FDXR: variants seen among roughly 807,000 people sequenced by gnomAD.
The protein encoded by FDXR is ferredoxin reductase, also known as NADPH:adrenodoxin oxidoreductase, mitochondrial.
In FDXR, 38 loss-of-function variants were observed where a neutral mutation model predicts 58.3. The ratio of observed to expected loss-of-function variants is 0.65; its 90% CI spans 0.50 to 0.85. FDXR has a LOEUF of 0.85. Ranked by LOEUF, FDXR falls within the 40% of genes least tolerant of loss-of-function variation. FDXR has a pLI of 0.00. For synonymous variants in FDXR, 275 were observed against 273.8 expected, an observed-to-expected ratio of 1.00 and a Z score of -0.04; for missense variants, 624 against 671.0, an observed-to-expected ratio of 0.93 and a Z score of 0.77.
rs751251788 is a variant in FDXR at position 74,864,541 on chromosome 17, T to G, written c.741A>C (p.Leu247Phe). Reference sequence around the variant, plus strand: ...GATCCAAAATGGGCCGGGCTCCCGGTAACTGAATCATCTCCCGAAGCTCCT... The same window carrying G: ...GATCCAAAATGGGCCGGGCTCCCGGGAACTGAATCATCTCCCGAAGCTCCT... ...TIKELREMIQ[L>F]PGARPILDPV... Residue 247 changes from leucine (L) to phenylalanine (F), a missense_variant, in exon 8 of 12, where the codon TTA (leucine) becomes TTC (phenylalanine). By Grantham distance (22) the Leu-to-Phe change is conservative (BLOSUM62 0). Transcript: ENST00000293195. The G allele has an allele frequency of 1.2e-5, 19 of 1,613,864 alleles. No homozygotes were observed. Among genetic ancestry groups the G allele is most frequent in the African/African-American group, 2.7e-5 (2 of 74,892 alleles).
Position 74,863,929 on chromosome 17 carries a change from G to A in FDXR, c.1141C>T (p.Pro381Ser). 1 of 1,613,898 alleles carries A rather than the reference G, an allele frequency of 6.2e-7. No individual in the cohort carries two copies. Among genetic ancestry groups the A allele is most frequent in the Non-Finnish European group, 8.5e-7 (1 of 1,179,900 alleles). ...TCCATAACCCGGCCCTCCACATTGGGGATGACCCCAAGCTTGGAGTCAAAG... is the reference window on the plus strand; with the variant it reads ...TCCATAACCCGGCCCTCCACATTGGAGATGACCCCAAGCTTGGAGTCAAAG... The part of the protein sequence containing the change: ...VPFDSKLGVI[P>S]NVEGRVMDVP... Residue 381 changes from proline (P) to serine (S), a missense_variant, in exon 10 of 12, where the codon CCC (proline) becomes TCC (serine). By Grantham distance (74) the Pro-to-Ser change is moderately conservative (BLOSUM62 -1). Coordinates refer to ENST00000293195, the MANE Select transcript of FDXR (RefSeq NM_024417.5).
In FDXR at chr17:74,866,525, C is replaced by G. The variant is rs367813817; in HGVS notation, c.314G>C (p.Cys105Ser). ...CACCTCCACGTTGCCCCAGAAGGCA[C>G]AGCGGCCAGAATGGGCCGTCTGGGT... ...TFTQTAHSGR[C>S]AFWGNVEVGR... The change falls in exon 4 of 12, where the codon TGT becomes TCT. Residue 105 changes from cysteine (C) to serine (S), a missense_variant. Coordinates refer to ENST00000293195, the MANE Select transcript of FDXR (RefSeq NM_024417.5). 37 of 1,613,686 alleles carry G rather than the reference C, an allele frequency of 2.3e-5. No homozygotes were observed. Among genetic ancestry groups the G allele is most frequent in the Non-Finnish European group, 2.7e-5 (32 of 1,180,038 alleles).
Position 74,866,805 on chromosome 17 carries a change from C to A in FDXR, c.249G>T (p.Ala83=), listed in dbSNP as rs201956001. Residue 83 remains alanine, a synonymous_variant, in exon 3 of 12, where the codon GCG becomes GCT. Coordinates refer to ENST00000293195, the MANE Select transcript of FDXR (RefSeq NM_024417.5). ...VPFGLVRFGV[A]PDHPEVKNVI... is the part of the protein sequence containing the mutation. ...CCACCTTCACCTCGGGGTGATCAGG[C>A]GCCACACCAAAGCGCACCAGGCCAA... The A allele has an allele frequency of 1.9e-6, 3 of 1,614,146 alleles. No individual in the cohort carries two copies. The highest frequency in any genetic ancestry group is 2.5e-6 in the Non-Finnish European group (3 of 1,180,030).
chr17:74,864,256 C>A lies in FDXR; in HGVS notation c.894G>T (p.Ser298=). The A allele has an allele frequency of 6.3e-7, 1 of 1,599,516 alleles. No homozygotes were observed. Among genetic ancestry groups the A allele is most frequent in the South Asian group, 1.1e-5 (1 of 90,776 alleles). Residue 298 remains serine (S), a synonymous_variant, in exon 9 of 12, where the codon TCG becomes TCT. Transcript: ENST00000293195. ...AGCGGAGGCCCCAGGCACGGGAGGC[C>A]GATGCCTGGCGGGCAGCTTCCGCCG... ...PGPAEAARQA[S]ASRAWGLRFF...
rs532082787 is a variant in FDXR, at chr17:74,863,338, C to T, written c.1175-92G>A. ...CACAATCTACACCCACGTGCACGCA[C>T]ACAGACACCCCACGCCTCTTGGCAG... On this transcript the variant is annotated intron_variant, in intron 10 of 11. Coordinates refer to ENST00000293195, the MANE Select transcript of FDXR (RefSeq NM_024417.5). 9 of 1,240,602 alleles carry T rather than the reference C, an allele frequency of 7.3e-6. 1 individual carries two copies. In the South Asian group the frequency reaches 1.1e-4, roughly 16 times the overall value. The allele number at this position is 1,240,602 out of a possible 1,614,324, so 76.8% of individuals were successfully genotyped here. A position where few individuals can be genotyped will look rare whatever the true frequency, so the allele number is the denominator to read the frequency against.
chr17:74,871,708 C>T (rs977492143), intron 2 of FDXR, among the ~76,000 whole-genome samples: 2 of 152,198 alleles, frequency 1.3e-5, no homozygotes, highest in South Asian at 2.1e-4. Flanking sequence ...TGAAGATAGA[C>T]GAGAGAGGAG....
intron 10 of FDXR, 103 bp from the exon 11 acceptor site, chr17:74,863,349 C>T: frequency 8.8e-7 from 1 of 1,140,234 alleles, no homozygotes; most frequent in Non-Finnish European, 1.3e-6. Flanking sequence ...ACAGACACCC[C>T]ACGCCTCTTG....
chr17:74,872,115 G>A lies in FDXR; in HGVS notation c.98C>T (p.Ser33Phe), dbSNP rs773771601. The stretch of plus-strand genomic sequence containing the variant: ...GATCTGGGGGGTCTTCTCCTGTGTG[G>A]AGAAATGGTGGCAGAAGCCTGGGGC... Reference protein sequence around the residue: ...GSTPSFCHHFSTQEKTPQICV... With the variant: ...GSTPSFCHHFFTQEKTPQICV... The change falls in exon 2 of 12, where the codon TCC becomes TTC. Residue 33 changes from serine (S) to phenylalanine (F), a missense_variant. Physicochemically the swap from Ser to Phe is radical, Grantham distance 155. Transcript: ENST00000293195. The A allele has an allele frequency of 1.9e-6, 3 of 1,606,374 alleles. No individual in the cohort carries two copies. Among genetic ancestry groups the A allele is most frequent in the South Asian group, 1.1e-5 (1 of 90,076 alleles).
chr17:74,864,441 T>C (rs2038094718), intron 8 of FDXR, 39 bp downstream of exon 8: 1 of 1,607,196 alleles, frequency 6.2e-7, no homozygotes, highest in East Asian at 2.2e-5. Context: ...TAGGCCACCC[T>C]CTCCCTAGTA....
In FDXR at chr17:74,872,925, C is replaced by A. The variant is rs28365947; in HGVS notation, c.20G>T (p.Arg7Leu). MASRCW[R>L]WWGWSAWPRT... ...AGGCCACGCCGACCAGCCCCACCAG[C>A]GCCAGCAGCGCGAAGCCATGGCTGG... The change falls in exon 1 of 12, where the codon CGC becomes CTC. Residue 7 changes from arginine to leucine, a missense_variant. By Grantham distance (102) the Arg-to-Leu change is moderately radical. Coordinates refer to ENST00000293195, the MANE Select transcript of FDXR (RefSeq NM_024417.5). 4.3e-4 allele frequency: 663 copies of A among 1,556,134 alleles called. 9 individuals carry two copies. The East Asian group carries it at 0.014, about 33-fold the overall frequency.
At position 74,862,619 on chromosome 17, in the gene FDXR, T is replaced by C; in HGVS notation, c.*198A>G. On this transcript the variant is annotated 3_prime_UTR_variant, in exon 12 of 12. Transcript: ENST00000293195. Reference sequence around the variant, plus strand: ...ACCTCCACCTGTCCCTAAGGTTACCTCAGTTGCTGAAAGCTAAAACCTTGC... The same window carrying C: ...ACCTCCACCTGTCCCTAAGGTTACCCCAGTTGCTGAAAGCTAAAACCTTGC... The C allele has an allele frequency of 1.5e-6, 1 of 656,438 alleles. No individual in the cohort carries two copies. The highest frequency in any genetic ancestry group is 2.5e-6 in the Non-Finnish European group (1 of 399,072). The allele number at this position is 656,438 out of a possible 1,614,324, so 40.7% of individuals were successfully genotyped here. A position where few individuals can be genotyped will look rare whatever the true frequency, so the allele number is the denominator to read the frequency against.
Position 74,866,895 on chromosome 17 carries a change from G to A in FDXR, c.178-19C>T. On this transcript the variant is annotated intron_variant, in intron 2 of 11. Transcript: ENST00000293195. ...GGGGGTGCTGCTGGGGAACAGGGTG[G>A]CAGCTGGTGGGGCCGAGAGAGAGAG... 5 of 1,611,894 alleles carry A rather than the reference G, an allele frequency of 3.1e-6. No homozygotes were observed. The highest frequency in any genetic ancestry group is 1.7e-4 in the Middle Eastern group (1 of 6,054).
chr17:74,868,530 C>T, intron 2 of FDXR: 2 of 1,507,168 alleles, frequency 1.3e-6, no homozygotes, highest in Non-Finnish European at 1.8e-6. Flanking sequence ...GAGGTCAACA[C>T]CTCACCCAAC....
chr17:74,862,884 T>G lies in FDXR; in HGVS notation c.1409A>C (p.Gln470Pro). Residue 470 changes from glutamine to proline, a missense_variant, in exon 12 of 12, where the codon CAG becomes CCG. Coordinates refer to ENST00000293195, the MANE Select transcript of FDXR (RefSeq NM_024417.5). ...CTTCTCCCTGGGCTTCCCCGTGCCC[T>G]GGCCCCGGGCCACCTCCTCGGCATC... ...KLDAEEVARG[Q>P]GTGKPREKLV... The G allele has an allele frequency of 6.2e-7, 1 of 1,613,210 alleles. No individual in the cohort carries two copies. Among genetic ancestry groups the G allele is most frequent in the East Asian group, 2.2e-5 (1 of 44,876 alleles).
chr17:74,872,637 A>C, intron 1 of FDXR: 3 of 954,142 alleles, frequency 3.1e-6, no homozygotes, highest in Non-Finnish European at 3.0e-6. Flanking sequence ...TGTAGATCTC[A>C]AAGTCTCTCC....
chr17:74,866,492 T>C lies in FDXR; in HGVS notation c.347A>G (p.Asp116Gly). ...CTCCTGCAGCTCCGGCACCGTCACG[T>C]CCCTGCCCACCTCCACGTTGCCCCA... Reference protein sequence around the residue: ...AFWGNVEVGRDVTVPELQEAY... With the variant: ...AFWGNVEVGRGVTVPELQEAY... Residue 116 changes from aspartate (D) to glycine (G), a missense_variant, in exon 4 of 12, where the codon GAC (aspartate) becomes GGC (glycine). By Grantham distance (94) the Asp-to-Gly change is moderately conservative (BLOSUM62 -1). Transcript: ENST00000293195. 1 of 1,613,740 alleles carries C rather than the reference T, an allele frequency of 6.2e-7. No individual in the cohort carries two copies. The highest frequency in any genetic ancestry group is 8.5e-7 in the Non-Finnish European group (1 of 1,179,988).
chr17:74,868,492 C>T, intron 2 of FDXR: 2 of 1,219,606 alleles, frequency 1.6e-6, no homozygotes, highest in Non-Finnish European at 2.3e-6. Flanking sequence ...CCCAGTGCCA[C>T]AGCATAAAGT....
Position 74,864,249 on chromosome 17 carries a change from G to C in FDXR, c.901C>G (p.Arg301Gly). 2 of 1,603,030 alleles carry C rather than the reference G, an allele frequency of 1.2e-6. No homozygotes were observed. The highest frequency in any genetic ancestry group is 1.7e-6 in the Non-Finnish European group (2 of 1,172,246). The change falls in exon 9 of 12, where the codon CGT becomes GGT. Residue 301 changes from arginine to glycine, a missense_variant. By Grantham distance (125) the Arg-to-Gly change is moderately radical. Coordinates refer to ENST00000293195, the MANE Select transcript of FDXR (RefSeq NM_024417.5). ...AEAARQASAS[R>G]AWGLRFFRSP... is the part of the protein sequence containing the mutation. ...CGGAAAAAGCGGAGGCCCCAGGCACGGGAGGCCGATGCCTGGCGGGCAGCT... is the reference window on the plus strand; with the variant it reads ...CGGAAAAAGCGGAGGCCCCAGGCACCGGAGGCCGATGCCTGGCGGGCAGCT...
chr17:74,866,421 C>T (rs1407834815), intron 4 of FDXR, 25 bp downstream of exon 4: 2 of 1,610,928 alleles, frequency 1.2e-6, no homozygotes, highest in Admixed American at 1.7e-5. Context: ...CCTGCCTCCC[C>T]AAGCCAGGGC....
Sources: gnomAD v4.1 joint callset for allele counts (sites outside exome capture counted in the v4.1 genomes callset) on GRCh38, gnomAD v4.1.1 for gene constraint, MANE v1.5 for transcripts, NCBI Gene and HGNC (gene_info 2026-07-23, HGNC 2026-07-21) for gene names.